The following MS4A7 variants were observed in gnomAD, a reference collection of about 807,000 sequenced individuals.
MS4A7 encodes membrane-spanning 4-domains subfamily A member 7.
Under a neutral mutation model 23.5 loss-of-function variants are expected in MS4A7, and 21 were observed. The ratio of observed to expected loss-of-function variants is 0.89; its 90% CI spans 0.63 to 1.29. MS4A7 has a LOEUF of 1.29. MS4A7 is among the 50% of genes most tolerant of loss of function. MS4A7 has a pLI of 0.00. For synonymous variants in MS4A7, 111 were observed against 107.4 expected (o/e 1.03, Z -0.21); for missense variants, 263 against 274.2 (o/e 0.96, Z 0.29).
At chr11:60,392,110 T>C (rs930646662) in intron 5 of MS4A7, among the ~76,000 whole-genome samples, 1 of 151,872 alleles carries the variant, frequency 6.6e-6, no homozygotes, top group Non-Finnish European at 1.5e-5. Flanking sequence ...AAGAGTGAAA[T>C]GGAATTTAGA....
rs775560203 is a variant in MS4A7, at chr11:60,393,744, G to A, written c.649-43G>A. The A allele has an allele frequency of 4.4e-5, 66 of 1,505,194 alleles. 1 individual carries two copies. Among genetic ancestry groups the A allele is most frequent in the Admixed American group, 7.4e-5 (4 of 54,296 alleles). The allele number at this position is 1,505,194 out of a possible 1,614,324, so 93.2% of individuals were successfully genotyped here. A position where few individuals can be genotyped will look rare whatever the true frequency, so the allele number is the denominator to read the frequency against. On this transcript the variant is annotated intron_variant, in intron 6 of 6. Transcript: ENST00000300184. ...TTATGAGTTATCTTTTTTAATCTCC[G>A]AAATCAAAGTTTAAAAATTCTAACC...
chr11:60,384,045 T>A (rs2085458884), intron 2 of MS4A7, among the ~76,000 whole-genome samples: 2 of 152,166 alleles, frequency 1.3e-5, no homozygotes, highest in African/African-American at 4.8e-5. Context: ...TCATCCCTCA[T>A]ATCCAGAACT....
chr11:60,388,967 T>C (rs1384243889), intron 4 of MS4A7: 1 of 159,684 alleles, frequency 6.3e-6, no homozygotes, highest in African/African-American at 2.4e-5. Context: ...AAGCTGCTCT[T>C]TTATGTAAAT....
In MS4A7 at chr11:60,388,399, G is replaced by A. The variant is rs116006042; in HGVS notation, c.340-991G>A. On this transcript the variant is annotated intron_variant, in intron 4 of 6. Coordinates refer to ENST00000300184, the MANE Select transcript of MS4A7 (RefSeq NM_021201.5). ...CAGTGACAGAGCTGGGATAGGAGGA[G>A]AGGATTTCAGTTTCTAAGTCCAGAA... 5.2e-3 allele frequency among the ~76,000 whole-genome samples: 796 copies of A among 152,308 alleles called. 1 individual carries two copies. Among genetic ancestry groups the A allele is most frequent in the African/African-American group, 0.018 (755 of 41,562 alleles).
intron 1 of MS4A7, among the ~76,000 whole-genome samples, chr11:60,382,725 G>T (rs1382578249): frequency 6.6e-6 from 1 of 152,200 alleles, no homozygotes; most frequent in Non-Finnish European, 1.5e-5. Flanking sequence ...GCATAAAAGT[G>T]TAATCCTGGA....
chr11:60,393,964 C>G lies in MS4A7; in HGVS notation c.*103C>G. ...GCCATTTTAGATACTGTGAAACAAACTAAAAAAAAAAAAGCTTTTGTTTTG... is the reference window on the plus strand; with the variant it reads ...GCCATTTTAGATACTGTGAAACAAAGTAAAAAAAAAAAAGCTTTTGTTTTG... On this transcript the variant is annotated 3_prime_UTR_variant, in exon 7 of 7. Coordinates refer to ENST00000300184, the MANE Select transcript of MS4A7 (RefSeq NM_021201.5). The G allele has an allele frequency of 1.7e-6, 1 of 590,986 alleles. No homozygotes were observed. Among genetic ancestry groups the G allele is most frequent in the Non-Finnish European group, 2.8e-6 (1 of 361,142 alleles). 36.6% of individuals were successfully genotyped at this position (590,986 alleles called of 1,614,324 possible).
At chr11:60,393,055 A>C (rs143433049) in intron 6 of MS4A7, among the ~76,000 whole-genome samples, 7,400 of 151,916 alleles carry the variant, frequency 0.049, 563 homozygotes, top group African/African-American at 0.17. Flanking sequence ...CAGGAAGTGG[A>C]GGTTGCAGTG....
Position 60,394,220 on chromosome 11 carries a change from T to C in MS4A7, c.*359T>C, listed in dbSNP as rs549306754. On this transcript the variant is annotated 3_prime_UTR_variant, in exon 7 of 7. Coordinates refer to ENST00000300184, the MANE Select transcript of MS4A7 (RefSeq NM_021201.5). The stretch of plus-strand genomic sequence containing the variant: ...TGTTTCTGTATTATTTTCACACTCA[T>C]ATTGCTTAAATATTACATATTAGGG... 6.0e-6 allele frequency: 1 copy of C among 166,540 alleles called. No homozygotes were observed. Among genetic ancestry groups the C allele is most frequent in the Non-Finnish European group, 1.3e-5 (1 of 78,032 alleles). The allele number at this position is 166,540 out of a possible 1,614,324, so 10.3% of individuals were successfully genotyped here. A position where few individuals can be genotyped will look rare whatever the true frequency, so the allele number is the denominator to read the frequency against.
In MS4A7 at chr11:60,383,238, A is replaced by C; in HGVS notation, c.97A>C (p.Asn33His). Residue 33 changes from asparagine (N) to histidine (H), a missense_variant, in exon 2 of 7, where the codon AAC becomes CAC. Asn to His is a moderately conservative substitution (Grantham distance 68). Coordinates refer to ENST00000300184, the MANE Select transcript of MS4A7 (RefSeq NM_021201.5). ...AGAGAAACCTGGACACATGTACCAA[A>C]ACGAAGATTACCTGCAGAACGGGCT... ...QREKPGHMYQ[N>H]EDYLQNGLPT... The C allele has an allele frequency of 6.2e-7, 1 of 1,614,178 alleles. No individual in the cohort carries two copies. The highest frequency in any genetic ancestry group is 8.5e-7 in the Non-Finnish European group (1 of 1,180,008).
Position 60,379,520 on chromosome 11 carries a change from GT to G in MS4A7, c.-14+858del, listed in dbSNP as rs1225965541. Reference sequence around the variant, plus strand: ...TAGCCTTTTAACCATGTGTTTTTTTGTTGTTTTTTGTTTGTTTGTTTGTTTG... The same window carrying G: ...TAGCCTTTTAACCATGTGTTTTTTTGTGTTTTTTGTTTGTTTGTTTGTTTG... On this transcript the variant is annotated intron_variant, in intron 1 of 6. Transcript: ENST00000300184. Among the ~76,000 whole-genome samples the G allele has an allele frequency of 2.7e-5, 4 of 146,962 alleles. No homozygotes were observed. The Admixed American group carries it at 2.8e-4, about 10-fold the overall frequency.
At chr11:60,386,688 A>G (rs1331752490) in intron 3 of MS4A7, 29 bp from the exon 4 acceptor site, 1 of 1,590,156 alleles carries the variant, frequency 6.3e-7, no homozygotes, top group Non-Finnish European at 8.6e-7. Flanking sequence ...AAGACAACTG[A>G]ACTGATCATT....
chr11:60,392,640 G>A (rs1437500995), intron 5 of MS4A7, 45 bp from the exon 6 acceptor site: 1 of 1,494,150 alleles, frequency 6.7e-7, no homozygotes, highest in Non-Finnish European at 9.3e-7. Context: ...CAGGCACAAG[G>A]GCTAGCTTGT....
At chr11:60,379,852 TACAGTTCAGTG>T (rs1162527719) in intron 1 of MS4A7, among the ~76,000 whole-genome samples, 1 of 152,172 alleles carries the variant, frequency 6.6e-6, no homozygotes, top group Non-Finnish European at 1.5e-5. Flanking sequence ...TTTTTAGGTG[TACAGTTCAGTG>T]GCATTAAGCA....
chr11:60,393,954 G>T lies in MS4A7; in HGVS notation c.*93G>T. 1 of 697,328 alleles carries T rather than the reference G, an allele frequency of 1.4e-6. No individual in the cohort carries two copies. 43.2% of individuals were successfully genotyped at this position (697,328 alleles called of 1,614,324 possible). A position where few individuals can be genotyped will look rare whatever the true frequency, so the allele number is the denominator to read the frequency against. ...TGAAATCTCTGCCATTTTAGATACT[G>T]TGAAACAAACTAAAAAAAAAAAAGC... On this transcript the variant is annotated 3_prime_UTR_variant, in exon 7 of 7. Transcript: ENST00000300184.
At chr11:60,390,816 T>A (rs920817320) in intron 5 of MS4A7, among the ~76,000 whole-genome samples, 2 of 152,210 alleles carry the variant, frequency 1.3e-5, no homozygotes, top group East Asian at 3.8e-4. Flanking sequence ...CTACTCTTTG[T>A]TAATTAACAC....
Position 60,394,070 on chromosome 11 carries a change from A to G in MS4A7, c.*209A>G. On this transcript the variant is annotated 3_prime_UTR_variant, in exon 7 of 7. Transcript: ENST00000300184. Reference sequence around the variant, plus strand: ...CCCAAGTCAATAAATGTTATCAGCCAGTCTTCCAAAATGGTCATAAACTTT... The same window carrying G: ...CCCAAGTCAATAAATGTTATCAGCCGGTCTTCCAAAATGGTCATAAACTTT... 1 of 396,468 alleles carries G rather than the reference A, an allele frequency of 2.5e-6. No homozygotes were observed. Among genetic ancestry groups the G allele is most frequent in the East Asian group, 4.3e-5 (1 of 23,248 alleles). 24.6% of individuals were successfully genotyped at this position (396,468 alleles called of 1,614,324 possible).
rs34933885 is a variant in MS4A7, at chr11:60,391,917, T to TA, written c.547-752dup. 1.8e-3 allele frequency among the ~76,000 whole-genome samples: 209 copies of TA among 119,020 alleles called. 1 individual carries two copies. Among genetic ancestry groups the TA allele is most frequent in the African/African-American group, 6.0e-3 (183 of 30,350 alleles). 78.1% of individuals were successfully genotyped at this position (119,020 alleles called of 152,430 possible). A position where few individuals can be genotyped will look rare whatever the true frequency, so the allele number is the denominator to read the frequency against. ...CTGGGTGACAGAATGAGACCCTGTC[T>TA]AAAAAAAAAAAAAAAAGTAATAGAA... On this transcript the variant is annotated intron_variant, in intron 5 of 6. Transcript: ENST00000300184.
chr11:60,392,610 T>C, intron 5 of MS4A7, 75 bp from the exon 6 acceptor site: 1 of 1,093,782 alleles, frequency 9.1e-7, no homozygotes, highest in Non-Finnish European at 1.4e-6. Flanking sequence ...TGGAGCCTCA[T>C]CGCCCTGTCT....
Position 60,386,757 on chromosome 11 carries a change from A to G in MS4A7, c.323A>G (p.Gln108Arg). ...TCCCTCTCAATTATCTCTGGAAAAC[A>G]ATCAACTAAGCCCTTTGTAAGTATA... ...TGSLSIISGKQSTKPFDLSSL... is the reference protein window; with the variant it reads ...TGSLSIISGKRSTKPFDLSSL... Residue 108 changes from glutamine (Q) to arginine (R), a missense_variant, in exon 4 of 7, where the codon CAA (glutamine) becomes CGA (arginine). By Grantham distance (43) the Gln-to-Arg change is conservative (BLOSUM62 1). Coordinates refer to ENST00000300184, the MANE Select transcript of MS4A7 (RefSeq NM_021201.5). 6.2e-7 allele frequency: 1 copy of G among 1,612,952 alleles called. No individual in the cohort carries two copies. The highest frequency in any genetic ancestry group is 8.5e-7 in the Non-Finnish European group (1 of 1,179,014).
Sources: gnomAD v4.1 joint callset for allele counts (sites outside exome capture counted in the v4.1 genomes callset) on GRCh38, gnomAD v4.1.1 for gene constraint, MANE v1.5 for transcripts, NCBI Gene and HGNC (gene_info 2026-07-23, HGNC 2026-07-21) for gene names.